RADIL: variants seen among roughly 807,000 people sequenced by gnomAD.
RADIL encodes ras-associating and dilute domain-containing protein.
RADIL carries 99 observed loss-of-function variants against 97.6 expected under a neutral mutation model. That is an observed-to-expected ratio of 1.01 (90% CI 0.86 to 1.20). The LOEUF is 1.20. RADIL is among the 50% of genes most tolerant of loss of function. The probability of loss-of-function intolerance (pLI) is 0.00; values close to 1 mark genes in which losing one functional copy is unlikely to be tolerated. For missense variants in RADIL, 1,765 were observed against 1,498.9 expected, an observed-to-expected ratio of 1.18 and a Z score of -2.93; for synonymous variants, 803 against 691.8, an observed-to-expected ratio of 1.16 and a Z score of -2.52.
intron 2 of RADIL, chr7:4,860,739 C>T: frequency 6.2e-7 from 1 of 1,614,128 alleles, no homozygotes; most frequent in South Asian, 1.1e-5. Flanking sequence ...TTGGACCACT[C>T]TGCCTTACTT....
At position 4,797,159 on chromosome 7, in the gene RADIL, G is replaced by C. The variant is rs1583250298; in HGVS notation, c.*2219C>G. The C allele has an allele frequency of 1.3e-5, 2 of 152,390 alleles. No homozygotes were observed. The highest frequency in any genetic ancestry group is 4.8e-5 in the African/African-American group (2 of 41,584). The allele number at this position is 152,390 out of a possible 1,614,324, so 9.4% of individuals were successfully genotyped here. A position where few individuals can be genotyped will look rare whatever the true frequency, so the allele number is the denominator to read the frequency against. On this transcript the variant is annotated 3_prime_UTR_variant, in exon 15 of 15. Coordinates refer to ENST00000399583, the MANE Select transcript of RADIL (RefSeq NM_018059.5). ...GGGACTGCATTCGCCTGGAAGCTCA[G>C]CAAGACCAGAACAGCCAGTGGCAGC... is the stretch of plus-strand genomic sequence containing the variant.
Position 4,836,596 on chromosome 7 carries a change from G to A in RADIL, c.545C>T (p.Ala182Val), listed in dbSNP as rs748287977. The A allele has an allele frequency of 6.2e-7, 1 of 1,607,030 alleles. No individual in the cohort carries two copies. The highest frequency in any genetic ancestry group is 8.5e-7 in the Non-Finnish European group (1 of 1,179,670). ...EVDTITAGIN[A>V]QARRLQRSRA... ...ACTCCGCTGCAGCCTCCGGGCCTGG[G>A]CGTTTATCCCTGGAACAGAAGCAAC... The change falls in exon 3 of 15, where the codon GCC (alanine) becomes GTC (valine). Residue 182 changes from alanine (A) to valine (V), a missense_variant. By Grantham distance (64) the Ala-to-Val change is moderately conservative. Transcript: ENST00000399583.
intron 2 of RADIL, among the ~76,000 whole-genome samples, chr7:4,870,371 C>G (rs1411714879): frequency 6.6e-6 from 1 of 152,172 alleles, no homozygotes; most frequent in Non-Finnish European, 1.5e-5. Context: ...AAACAGATCC[C>G]CAAACATCTT....
chr7:4,808,421 C>G (rs996424392), intron 9 of RADIL, among the ~76,000 whole-genome samples: 1 of 152,162 alleles, frequency 6.6e-6, no homozygotes, highest in African/African-American at 2.4e-5. Context: ...TTTCACTAAG[C>G]TTCTCCTTGA....
chr7:4,855,476 C>T (rs930241380), intron 2 of RADIL, among the ~76,000 whole-genome samples: 6 of 152,006 alleles, frequency 3.9e-5, no homozygotes, highest in Non-Finnish European at 7.4e-5. Context: ...AGAGTGTGGG[C>T]CCGTCAACTG....
intron 2 of RADIL, chr7:4,861,847 C>CACCGCGACCTTCACGTCCCCCACA: frequency 1.4e-6 from 2 of 1,396,042 alleles, no homozygotes; most frequent in Non-Finnish European, 1.9e-6. Context: ...CGTCCCCCAC[C>CACCGCGACCTTCACGTCCCCCACA]ACCGCGACCT....
chr7:4,800,837 G>A (rs1782058924), intron 12 of RADIL, among the ~76,000 whole-genome samples: 1 of 152,180 alleles, frequency 6.6e-6, no homozygotes, highest in South Asian at 2.1e-4. Flanking sequence ...CTGAGCAAGT[G>A]GCCTGCCTGG....
rs1252887743 is a variant in RADIL at position 4,840,427 on chromosome 7, A to G, written c.536-3822T>C. Among the ~76,000 whole-genome samples, 1 of 152,088 alleles carries G rather than the reference A, an allele frequency of 6.6e-6. No homozygotes were observed. The highest frequency in any genetic ancestry group is 1.5e-5 in the Non-Finnish European group (1 of 67,994). On this transcript the variant is annotated intron_variant, in intron 2 of 14. Coordinates refer to ENST00000399583, the MANE Select transcript of RADIL (RefSeq NM_018059.5). This position sits in a 1 kb window ranked among gnomAD's most constrained non-coding sequence, Gnocchi z 5.6. ...ATCCCTCGTGATGCTGACCCCAGCC[A>G]CCTTCAGAAGCATCGCATGGCGCCA...
In RADIL at chr7:4,854,662, C is replaced by G. The variant is rs981648696; in HGVS notation, c.536-18057G>C. Among the ~76,000 whole-genome samples the G allele has an allele frequency of 5.9e-5, 9 of 152,166 alleles. No individual in the cohort carries two copies. The highest frequency in any genetic ancestry group is 2.2e-4 in the African/African-American group (9 of 41,424). On this transcript the variant is annotated intron_variant, in intron 2 of 14. Coordinates refer to ENST00000399583, the MANE Select transcript of RADIL (RefSeq NM_018059.5). The surrounding 1 kb of genome is among the most constrained non-coding windows in gnomAD (Gnocchi z 5.1). ...TGAGCCGAGATGGCGCCACCGCACTCCACCCTGGGCGACAGAGCGAGACTC... is the reference window on the plus strand; with the variant it reads ...TGAGCCGAGATGGCGCCACCGCACTGCACCCTGGGCGACAGAGCGAGACTC...
At chr7:4,862,005 C>T in intron 2 of RADIL, 1 of 435,652 alleles carries the variant, frequency 2.3e-6, no homozygotes, top group Non-Finnish European at 4.1e-6. Flanking sequence ...GGCGCCAGAC[C>T]CCTCAGCGGC....
At chr7:4,859,696 GA>G in intron 2 of RADIL, 1 of 579,374 alleles carries the variant, frequency 1.7e-6, no homozygotes, top group Non-Finnish European at 3.1e-6. Flanking sequence ...CTGAATTCTT[GA>G]TAACAGGAAT....
At chr7:4,808,671 C>T in intron 9 of RADIL, 3 of 949,316 alleles carry the variant, frequency 3.2e-6, no homozygotes, top group Non-Finnish European at 3.8e-6. Context: ...CGTCCCCTTC[C>T]GACGCCACTG....
Position 4,817,745 on chromosome 7 carries a change from G to A in RADIL, c.1616-394C>T, listed in dbSNP as rs1461490105. Among the ~76,000 whole-genome samples, 1 of 152,208 alleles carries A rather than the reference G, an allele frequency of 6.6e-6. No individual in the cohort carries two copies. Among genetic ancestry groups the A allele is most frequent in the South Asian group, 2.1e-4 (1 of 4,834 alleles). The stretch of plus-strand genomic sequence containing the variant: ...CTCGCGACACGGGTCACAGGACTCT[G>A]GCAGCAGCCCCTGAGTGGCCGCCAC... On this transcript the variant is annotated intron_variant, in intron 6 of 14. Transcript: ENST00000399583. The surrounding 1 kb of genome is among the most constrained non-coding windows in gnomAD (Gnocchi z 8.3).
In RADIL at chr7:4,834,584, AC is replaced by A. The variant is rs779673108; in HGVS notation, c.1416+22del. ...TCCCCCAGACCGGCACAGGACCCAG[AC>A]CGCCCACCCCAGCACACTGACCCAG... On this transcript the variant is annotated intron_variant, in intron 4 of 14. Transcript: ENST00000399583. This position sits in a 1 kb window ranked among gnomAD's most constrained non-coding sequence, Gnocchi z 6.0. 5 of 1,315,180 alleles carry A rather than the reference AC, an allele frequency of 3.8e-6. No individual in the cohort carries two copies. The highest frequency in any genetic ancestry group is 4.9e-6 in the Non-Finnish European group (5 of 1,026,500). The allele number at this position is 1,315,180 out of a possible 1,614,324, so 81.5% of individuals were successfully genotyped here. A position where few individuals can be genotyped will look rare whatever the true frequency, so the allele number is the denominator to read the frequency against.
chr7:4,860,672 G>A, intron 2 of RADIL: 1 of 1,614,088 alleles, frequency 6.2e-7, no homozygotes, highest in Non-Finnish European at 8.5e-7. Flanking sequence ...TGATGCACTT[G>A]CCAGAAGTAC....
rs373575918 is a variant in RADIL at position 4,813,405 on chromosome 7, C to T, written c.2139+1873G>A. 1.4e-4 allele frequency among the ~76,000 whole-genome samples: 22 copies of T among 152,178 alleles called. No individual in the cohort carries two copies. The highest frequency in any genetic ancestry group is 4.8e-4 in the African/African-American group (20 of 41,440). ...CTCCCCTTTTCAATGCTTTTGGTTC[C>T]GTTTTAAAGCCTCTCTCCATCGCAC... is the stretch of plus-strand genomic sequence containing the variant. On this transcript the variant is annotated intron_variant, in intron 9 of 14. Transcript: ENST00000399583. This position sits in a 1 kb window ranked among gnomAD's most constrained non-coding sequence, Gnocchi z 5.0.
At chr7:4,809,956 G>C (rs918192096) in intron 9 of RADIL, among the ~76,000 whole-genome samples, 4 of 151,690 alleles carry the variant, frequency 2.6e-5, no homozygotes, top group Non-Finnish European at 5.9e-5. Context: ...GGGTTCCAGT[G>C]ATTCATGTGT....
At chr7:4,857,745 C>A (rs1054717301) in intron 2 of RADIL, 2 of 152,470 alleles carry the variant, frequency 1.3e-5, no homozygotes, top group African/African-American at 4.8e-5. Flanking sequence ...TGCTTGTTTG[C>A]CATTTATTTT....
At chr7:4,808,326 G>A (rs943500380) in intron 9 of RADIL, among the ~76,000 whole-genome samples, 2 of 151,304 alleles carry the variant, frequency 1.3e-5, no homozygotes, top group African/African-American at 2.4e-5. Context: ...TTCCAAGACC[G>A]CTCTTGTTCT....
Sources: allele counts gnomAD v4.1 joint callset (sites outside exome capture counted in the v4.1 genomes callset), GRCh38; gene constraint gnomAD v4.1.1; non-coding constraint Gnocchi (gnomAD v3.1); transcripts MANE v1.5; gene names NCBI Gene and HGNC (gene_info 2026-07-23, HGNC 2026-07-21).